Variants in GRID2 observed in about 807,000 individuals in gnomAD.
GRID2 encodes the protein glutamate ionotropic receptor delta type subunit 2.
In GRID2, 33 loss-of-function variants were observed where a neutral mutation model predicts 114.8. The ratio of observed to expected loss-of-function variants is 0.29; its 90% CI spans 0.22 to 0.38. The LOEUF is 0.38. Among genes scored for constraint, GRID2 ranks in the 10% least tolerant of loss-of-function variants. The pLI is 1.00. For synonymous variants in GRID2, 505 were observed against 449.9 expected, an observed-to-expected ratio of 1.12 and a Z score of -1.55; for missense variants, 1,184 against 1,257.7, an observed-to-expected ratio of 0.94 and a Z score of 0.89.
chr4:93,693,456 A>G (rs1286390358), intron 14 of GRID2, among the ~76,000 whole-genome samples: 2 of 152,250 alleles, frequency 1.3e-5, no homozygotes, highest in Non-Finnish European at 2.9e-5. Context: ...GTAGTTTTAT[A>G]AAATTACCAA....
chr4:93,767,029 C>T (rs1394732858), intron 14 of GRID2, among the ~76,000 whole-genome samples: 1 of 152,078 alleles, frequency 6.6e-6, no homozygotes, highest in Admixed American at 6.6e-5. Context: ...TTGTGTGTTG[C>T]CTAACACAGT....
Position 92,554,478 on chromosome 4 carries a change from T to A in GRID2, c.89-35653T>A, listed in dbSNP as rs541526863. Among the ~76,000 whole-genome samples the A allele has an allele frequency of 2.6e-5, 4 of 152,308 alleles. No individual in the cohort carries two copies. In the South Asian group the frequency reaches 8.3e-4, roughly 32 times the overall value. ...CAAAATGTAAAAACAATTTGATAAG[T>A]TCTCATTTCAGAAAGTTTATGTCAG... On this transcript the variant is annotated intron_variant, in intron 1 of 15. Coordinates refer to ENST00000282020, the MANE Select transcript of GRID2 (RefSeq NM_001510.4).
intron 2 of GRID2, among the ~76,000 whole-genome samples, chr4:92,792,203 T>G (rs1433635217): frequency 6.6e-6 from 1 of 151,756 alleles, no homozygotes; most frequent in Non-Finnish European, 1.5e-5. Context: ...GTTTAATTAC[T>G]TACTGTCCAA....
intron 2 of GRID2, among the ~76,000 whole-genome samples, chr4:92,801,274 A>G (rs2149372222): frequency 6.6e-6 from 1 of 152,120 alleles, no homozygotes; most frequent in East Asian, 1.9e-4. Flanking sequence ...ACTTCTGTGT[A>G]GTGTGTCTTG....
rs184567353 is a variant in GRID2 at position 92,939,958 on chromosome 4, G to C, written c.245-145037G>C. ...TTTGGTACCAGTACCATGCTGTTTT[G>C]GTTACTGTAGCCTTGTAGTATAGTT... is the stretch of plus-strand genomic sequence containing the variant. On this transcript the variant is annotated intron_variant, in intron 2 of 15. Coordinates refer to ENST00000282020, the MANE Select transcript of GRID2 (RefSeq NM_001510.4). Among the ~76,000 whole-genome samples, 225 of 147,128 alleles carry C rather than the reference G, an allele frequency of 1.5e-3. 26 individuals carry two copies. The highest frequency in any genetic ancestry group is 6.5e-4 in the Non-Finnish European group (43 of 66,460).
chr4:93,345,315 C>T (rs1760107933), intron 8 of GRID2, among the ~76,000 whole-genome samples: 1 of 151,882 alleles, frequency 6.6e-6, no homozygotes. Context: ...CTCACCAATA[C>T]TTGTTATCTT....
At chr4:93,577,912 TAACAA>T (rs1736575495) in intron 13 of GRID2, among the ~76,000 whole-genome samples, 3 of 152,196 alleles carry the variant, frequency 2.0e-5, no homozygotes, top group Non-Finnish European at 4.4e-5. Flanking sequence ...TGATGGGTAA[TAACAA>T]TAAAATGGGC....
chr4:92,865,811 A>G (rs969203767), intron 2 of GRID2, among the ~76,000 whole-genome samples: 4 of 152,252 alleles, frequency 2.6e-5, no homozygotes, highest in African/African-American at 9.6e-5. Flanking sequence ...CAGTTTGATT[A>G]TCAAGAAACG....
intron 1 of GRID2, among the ~76,000 whole-genome samples, chr4:92,368,688 G>A (rs897430106): frequency 4.6e-5 from 7 of 151,980 alleles, no homozygotes; most frequent in Non-Finnish European, 8.8e-5. Context: ...GGTTGTATTA[G>A]ATGACTTCTA....
intron 13 of GRID2, among the ~76,000 whole-genome samples, chr4:93,586,376 T>A (rs1212252105): frequency 2.0e-5 from 3 of 152,076 alleles, no homozygotes; most frequent in African/African-American, 7.2e-5. Flanking sequence ...CAGTAAGACC[T>A]AATCTGTCTC....
chr4:92,945,345 T>A (rs1367917665), intron 2 of GRID2, among the ~76,000 whole-genome samples: 2 of 152,196 alleles, frequency 1.3e-5, no homozygotes, highest in Non-Finnish European at 2.9e-5. Flanking sequence ...CTTATGAGAA[T>A]AATACCAACC....
chr4:93,028,429 A>G (rs1250459526), intron 2 of GRID2, among the ~76,000 whole-genome samples: 1 of 152,066 alleles, frequency 6.6e-6, no homozygotes, highest in Non-Finnish European at 1.5e-5. Context: ...GTGCCAGGGT[A>G]GTAAGAAATG....
At chr4:92,395,431 G>A (rs945156016) in intron 1 of GRID2, among the ~76,000 whole-genome samples, 7 of 151,650 alleles carry the variant, frequency 4.6e-5, no homozygotes, top group South Asian at 2.1e-4. Flanking sequence ...TTGATCTTGC[G>A]AAACCCTTCA....
chr4:92,865,324 G>T (rs1744784765), intron 2 of GRID2, among the ~76,000 whole-genome samples: 1 of 152,112 alleles, frequency 6.6e-6, no homozygotes, highest in Admixed American at 6.5e-5. Context: ...ACAAATGGAT[G>T]TTTTGGAATA....
chr4:92,826,990 T>C (rs1207800457), intron 2 of GRID2, among the ~76,000 whole-genome samples: 1 of 152,062 alleles, frequency 6.6e-6, no homozygotes, highest in Non-Finnish European at 1.5e-5. Flanking sequence ...GATAGGAGTT[T>C]TTATGTTTCA....
At chr4:93,574,178 T>G (rs1457163077) in intron 13 of GRID2, among the ~76,000 whole-genome samples, 1 of 152,156 alleles carries the variant, frequency 6.6e-6, no homozygotes, top group Non-Finnish European at 1.5e-5. Context: ...CAAATTGAAT[T>G]GTACTTCCTC....
chr4:92,813,023 T>C (rs1560606995), intron 2 of GRID2, among the ~76,000 whole-genome samples: 1 of 152,166 alleles, frequency 6.6e-6, no homozygotes, highest in South Asian at 2.1e-4. Flanking sequence ...GCACTTTTAC[T>C]TGTGGCTTTT....
chr4:92,571,576 A>G (rs900298290), intron 1 of GRID2, among the ~76,000 whole-genome samples: 6 of 152,312 alleles, frequency 3.9e-5, no homozygotes, highest in Non-Finnish European at 7.3e-5. Context: ...TCAACAGAAT[A>G]TACATTCTTC....
chr4:92,331,218 A>C (rs190003099), intron 1 of GRID2, among the ~76,000 whole-genome samples: 40 of 152,338 alleles, frequency 2.6e-4, no homozygotes, highest in Admixed American at 1.2e-3. Flanking sequence ...TTTAATTTCT[A>C]TTAAAGTTAG....
Sources: gnomAD v4.1 joint callset for allele counts (sites outside exome capture counted in the v4.1 genomes callset) on GRCh38, gnomAD v4.1.1 for gene constraint, MANE v1.5 for transcripts, NCBI Gene and HGNC (gene_info 2026-07-23, HGNC 2026-07-21) for gene names.